PCCA: variants seen among roughly 807,000 people sequenced by gnomAD.
PCCA encodes the protein propionyl-CoA carboxylase subunit alpha.
Under a neutral mutation model 101.3 loss-of-function variants are expected in PCCA, and 74 were observed. That is an observed-to-expected ratio of 0.73 (90% CI 0.61 to 0.89). The LOEUF (loss-of-function observed/expected upper bound fraction) is 0.89. Among genes scored for constraint, PCCA ranks in the 40% least tolerant of loss-of-function variants. PCCA has a pLI of 0.00. For synonymous variants in PCCA, 294 were observed against 313.6 expected (o/e 0.94, Z 0.66); for missense variants, 891 against 907.0 (o/e 0.98, Z 0.23).
chr13:100,523,037 T>C (rs1359939572), intron 22 of PCCA, among the ~76,000 whole-genome samples: 1 of 152,182 alleles, frequency 6.6e-6, no homozygotes, highest in Non-Finnish European at 1.5e-5. Flanking sequence ...GTTCTCTTCT[T>C]TTTCTTCCTG....
At chr13:100,348,772 CTTTCTTTCTTT>C (rs1566976296) in intron 18 of PCCA, among the ~76,000 whole-genome samples, 247 of 95,892 alleles carry the variant, frequency 2.6e-3, no homozygotes, top group Middle Eastern at 0.02. Flanking sequence ...TTCTTTCTTT[CTTTCTTTCTTT>C]CTTTCTTCCT....
chr13:100,159,428 A>C (rs1041644367), intron 6 of PCCA, among the ~76,000 whole-genome samples: 1 of 152,146 alleles, frequency 6.6e-6, no homozygotes, highest in African/African-American at 2.4e-5. Context: ...GCCTTTGAGA[A>C]GGATATATTA....
At chr13:100,191,562 G>A (rs1011986484) in intron 6 of PCCA, among the ~76,000 whole-genome samples, 3 of 152,236 alleles carry the variant, frequency 2.0e-5, no homozygotes, top group African/African-American at 7.2e-5. Context: ...TGGAACTGGA[G>A]TGAAGGCAGG....
chr13:100,260,099 TTC>T (rs1310694426), intron 9 of PCCA, among the ~76,000 whole-genome samples: 2 of 152,164 alleles, frequency 1.3e-5, no homozygotes, highest in African/African-American at 4.8e-5. Context: ...TATTTTTTCT[TTC>T]TGTTATTATA....
At chr13:100,228,040 G>A (rs574793066) in intron 7 of PCCA, among the ~76,000 whole-genome samples, 1 of 151,806 alleles carries the variant, frequency 6.6e-6, no homozygotes, top group African/African-American at 2.4e-5. Flanking sequence ...TTTCCAGACA[G>A]GGTCTTGCTC....
chr13:100,244,929 C>CTGTGTGTGTG (rs3223372), intron 8 of PCCA, among the ~76,000 whole-genome samples: 4 of 141,712 alleles, frequency 2.8e-5, no homozygotes, highest in African/African-American at 8.0e-5. Flanking sequence ...TGAGGAAAGG[C>CTGTGTGTGTG]TGTGTGTGTG....
intron 12 of PCCA, among the ~76,000 whole-genome samples, chr13:100,273,895 G>A (rs1402491049): frequency 6.6e-6 from 1 of 152,302 alleles, no homozygotes; most frequent in East Asian, 1.9e-4. Flanking sequence ...AGCGACTGGC[G>A]TTGTAACCGG....
intron 7 of PCCA, among the ~76,000 whole-genome samples, chr13:100,224,351 G>A (rs993174816): frequency 5.3e-5 from 8 of 152,230 alleles, no homozygotes; most frequent in Non-Finnish European, 1.2e-4. Flanking sequence ...CGAGTGCGGG[G>A]CCTGCCAAGC....
At position 100,458,421 on chromosome 13, in the gene PCCA, G is replaced by A. The variant is rs112496087; in HGVS notation, c.1899+9116G>A. Among the ~76,000 whole-genome samples the A allele has an allele frequency of 2.0e-4, 20 of 98,848 alleles. 1 individual carries two copies. The highest frequency in any genetic ancestry group is 1.1e-3 in the South Asian group (3 of 2,660). 64.8% of individuals were successfully genotyped at this position (98,848 alleles called of 152,430 possible). A position where few individuals can be genotyped will look rare whatever the true frequency, so the allele number is the denominator to read the frequency against. On this transcript the variant is annotated intron_variant, in intron 21 of 23. Transcript: ENST00000376285. ...ACACACAGTGGGACCCCATCTCTGC[G>A]CGCACACACACACACACATACACAC...
In PCCA at chr13:100,513,577, A is replaced by G. The variant is rs188183343; in HGVS notation, c.1900-1850A>G. 1.9e-3 allele frequency among the ~76,000 whole-genome samples: 291 copies of G among 152,372 alleles called. 1 individual carries two copies. The highest frequency in any genetic ancestry group is 6.7e-3 in the African/African-American group (279 of 41,588). On this transcript the variant is annotated intron_variant, in intron 21 of 23. Coordinates refer to ENST00000376285, the MANE Select transcript of PCCA (RefSeq NM_000282.4). ...TCTGGGGAGAAATGAAGCTAAATAC[A>G]GTCTTAGCGCTTCGTTCATATGCAG... is the stretch of plus-strand genomic sequence containing the variant.
At chr13:100,482,581 T>C (rs534439039) in intron 21 of PCCA, among the ~76,000 whole-genome samples, 1 of 147,760 alleles carries the variant, frequency 6.8e-6, no homozygotes, top group Admixed American at 6.6e-5. Flanking sequence ...ACAAGGTTTT[T>C]TGTTTTGGTT....
rs75185727 is a variant in PCCA at position 100,515,801 on chromosome 13, G to T, written c.2040+234G>T. 9.3e-3 allele frequency among the ~76,000 whole-genome samples: 1,416 copies of T among 152,362 alleles called. 11 individuals carry two copies. Among genetic ancestry groups the T allele is most frequent in the Non-Finnish European group, 0.014 (969 of 68,038 alleles). On this transcript the variant is annotated intron_variant, in intron 22 of 23. Coordinates refer to ENST00000376285, the MANE Select transcript of PCCA (RefSeq NM_000282.4). Reference sequence around the variant, plus strand: ...TGATCTGGGAGTGGAGCAGAAAGAAGGCCAGATGCATTCCATCATTTTGCA... The same window carrying T: ...TGATCTGGGAGTGGAGCAGAAAGAATGCCAGATGCATTCCATCATTTTGCA...
chr13:100,473,879 T>G (rs1419658591), intron 21 of PCCA, among the ~76,000 whole-genome samples: 1 of 152,252 alleles, frequency 6.6e-6, no homozygotes, highest in African/African-American at 2.4e-5. Flanking sequence ...GTCTTGTAAC[T>G]TAATTTCTGG....
chr13:100,348,834 T>TTCCTCC (rs2072829107), intron 18 of PCCA, among the ~76,000 whole-genome samples: 1 of 149,508 alleles, frequency 6.7e-6, no homozygotes, highest in African/African-American at 2.4e-5. Context: ...CTTTTCTCTC[T>TTCCTCC]CTTTTTCTCT....
At chr13:100,309,781 A>G in intron 15 of PCCA, 52 bp from the exon 16 acceptor site, 1 of 1,126,240 alleles carries the variant, frequency 8.9e-7, no homozygotes, top group Non-Finnish European at 1.3e-6. Flanking sequence ...GAATCATTTA[A>G]CATAGTTCTA....
intron 22 of PCCA, among the ~76,000 whole-genome samples, chr13:100,523,980 C>G (rs2087513785): frequency 6.6e-6 from 1 of 152,252 alleles, no homozygotes; most frequent in Non-Finnish European, 1.5e-5. Flanking sequence ...CTCTGTGCAC[C>G]CAATTAATGC....
At chr13:100,180,398 G>A (rs537486032) in intron 6 of PCCA, among the ~76,000 whole-genome samples, 9 of 152,208 alleles carry the variant, frequency 5.9e-5, no homozygotes, top group East Asian at 5.8e-4. Flanking sequence ...TTGCTTTTCC[G>A]TAAACCCCAT....
chr13:100,450,306 A>C (rs2081133105), intron 21 of PCCA, among the ~76,000 whole-genome samples: 1 of 152,030 alleles, frequency 6.6e-6, no homozygotes, highest in African/African-American at 2.4e-5. Flanking sequence ...AGGCAGGAGA[A>C]TCGCCTGAAC....
At chr13:100,423,674 A>G (rs1056167105) in intron 19 of PCCA, among the ~76,000 whole-genome samples, 2 of 152,170 alleles carry the variant, frequency 1.3e-5, no homozygotes, top group African/African-American at 4.8e-5. Flanking sequence ...CTCTACCTTT[A>G]GTAGTGGATG....
Sources: gnomAD v4.1 joint callset for allele counts (sites outside exome capture counted in the v4.1 genomes callset) on GRCh38, gnomAD v4.1.1 for gene constraint, MANE v1.5 for transcripts, NCBI Gene and HGNC (gene_info 2026-07-23, HGNC 2026-07-21) for gene names.